Variants in SLX4IP observed in about 807,000 individuals in gnomAD.
The protein encoded by SLX4IP is SLX4 interacting protein.
A neutral mutation model predicts 32.9 loss-of-function variants in SLX4IP; 34 were observed. The ratio of observed to expected loss-of-function variants is 1.03; its 90% confidence interval spans 0.79 to 1.38. The LOEUF (loss-of-function observed/expected upper bound fraction) is 1.38. Among genes scored for constraint, SLX4IP ranks in the 40% most tolerant of loss-of-function variants. SLX4IP has a pLI of 0.00. For synonymous variants in SLX4IP, 172 were observed against 171.7 expected, an observed-to-expected ratio of 1.00 and a Z score of -0.01; for missense variants, 444 against 479.0, an observed-to-expected ratio of 0.93 and a Z score of 0.68.
rs1292586779 is a variant in SLX4IP at position 10,627,581 on chromosome 20, A to T, written c.*4202A>T. The T allele has an allele frequency of 6.6e-6, 1 of 152,238 alleles. No individual in the cohort carries two copies. Among genetic ancestry groups the T allele is most frequent in the East Asian group, 1.9e-4 (1 of 5,206 alleles). The allele number at this position is 152,238 out of a possible 1,614,324, so 9.4% of individuals were successfully genotyped here. On this transcript the variant is annotated 3_prime_UTR_variant, in exon 8 of 8. Transcript: ENST00000334534. ...ACAAATATGTGTCAATGTGCAGCTT[A>T]ACAGAGGGGACTTGAATGGATAAAA...
In SLX4IP at chr20:10,486,184, AT is replaced by A. The variant is rs34444606; in HGVS notation, c.27+27971del. ...AAATAATTATCAACTCCTTGCTTAA[AT>A]TTTTTTTTTTTTTTTTTACTAGGTA... On this transcript the variant is annotated intron_variant, in intron 2 of 7. Transcript: ENST00000334534. Among the ~76,000 whole-genome samples, 339 of 145,034 alleles carry A rather than the reference AT, an allele frequency of 2.3e-3. 1 individual carries two copies. Among genetic ancestry groups the A allele is most frequent in the Non-Finnish European group, 2.9e-3 (193 of 66,550 alleles).
chr20:10,513,306 A>T (rs1358143060), intron 2 of SLX4IP, among the ~76,000 whole-genome samples: 1 of 152,198 alleles, frequency 6.6e-6, no homozygotes, highest in East Asian at 1.9e-4. Context: ...AAATTTGCCT[A>T]GGGTCACAGA....
At chr20:10,547,303 A>G (rs2066172343) in intron 2 of SLX4IP, among the ~76,000 whole-genome samples, 1 of 147,228 alleles carries the variant, frequency 6.8e-6, no homozygotes, top group Non-Finnish European at 1.5e-5. Context: ...ATCTTTGTAG[A>G]ATCCTTCCCC....
chr20:10,540,049 G>A (rs546146952), intron 2 of SLX4IP, among the ~76,000 whole-genome samples: 3 of 151,284 alleles, frequency 2.0e-5, no homozygotes, highest in Non-Finnish European at 4.4e-5. Context: ...AGCAATTTGT[G>A]TTTCTTTTTG....
Position 10,584,733 on chromosome 20 carries a change from G to T in SLX4IP, c.239-13942G>T. On this transcript the variant is annotated intron_variant, in intron 4 of 7. Coordinates refer to ENST00000334534, the MANE Select transcript of SLX4IP (RefSeq NM_001009608.3). ...TGGACTCATGATTGGGAATTGGAAA[G>T]ACCCTAGACTAGTAGATAGATGCTT... Among the ~76,000 whole-genome samples the T allele has an allele frequency of 1.3e-5, 2 of 152,172 alleles. 1 individual carries two copies. Among genetic ancestry groups the T allele is most frequent in the Non-Finnish European group, 2.9e-5 (2 of 68,030 alleles).
At chr20:10,548,532 C>T (rs1338451390) in intron 2 of SLX4IP, among the ~76,000 whole-genome samples, 1 of 152,194 alleles carries the variant, frequency 6.6e-6, no homozygotes, top group African/African-American at 2.4e-5. Context: ...AGCCACCACA[C>T]CCGGCCTCTC....
In SLX4IP at chr20:10,623,445, G is replaced by T; in HGVS notation, c.*66G>T. 1 of 1,522,980 alleles carries T rather than the reference G, an allele frequency of 6.6e-7. No individual in the cohort carries two copies. Among genetic ancestry groups the T allele is most frequent in the Non-Finnish European group, 8.8e-7 (1 of 1,139,098 alleles). The allele number at this position is 1,522,980 out of a possible 1,614,324, so 94.3% of individuals were successfully genotyped here. A position where few individuals can be genotyped will look rare whatever the true frequency, so the allele number is the denominator to read the frequency against. Reference sequence around the variant, plus strand: ...GCCAAACCTGTGACAAGAGAGCTGCGAATATAGATGCCGGGATTTTAAAGG... The same window carrying T: ...GCCAAACCTGTGACAAGAGAGCTGCTAATATAGATGCCGGGATTTTAAAGG... On this transcript the variant is annotated 3_prime_UTR_variant, in exon 8 of 8. Transcript: ENST00000334534.
chr20:10,483,794 C>A, intron 2 of SLX4IP, among the ~76,000 whole-genome samples: 1 of 113,502 alleles, frequency 8.8e-6, no homozygotes, highest in Non-Finnish European at 1.7e-5. Context: ...CTCCCCCCAC[C>A]CTTCTCTTCT....
intron 2 of SLX4IP, among the ~76,000 whole-genome samples, chr20:10,488,007 CA>C: frequency 6.6e-6 from 1 of 152,202 alleles, no homozygotes; most frequent in South Asian, 2.1e-4. Context: ...TAGGACCTAT[CA>C]GCTGTGGTAG....
chr20:10,604,353 C>CT (rs1361771450), intron 6 of SLX4IP, among the ~76,000 whole-genome samples: 2 of 152,162 alleles, frequency 1.3e-5, no homozygotes, highest in Non-Finnish European at 2.9e-5. Context: ...GCCTGGGTGC[C>CT]TTACTCGTGC....
chr20:10,621,253 T>C (rs2067107858), intron 6 of SLX4IP, 61 bp from the exon 7 acceptor site: 1 of 1,434,296 alleles, frequency 7.0e-7, no homozygotes, highest in Non-Finnish European at 9.8e-7. Flanking sequence ...AGAGTGTAAC[T>C]GTTTTCTCTC....
intron 4 of SLX4IP, among the ~76,000 whole-genome samples, chr20:10,568,166 T>G (rs2066417976): frequency 6.6e-6 from 1 of 152,242 alleles, no homozygotes. Flanking sequence ...CTGACATGCC[T>G]GTGTCTTAGC....
chr20:10,518,834 T>C (rs963661217), intron 2 of SLX4IP, among the ~76,000 whole-genome samples: 4 of 152,072 alleles, frequency 2.6e-5, no homozygotes, highest in African/African-American at 9.7e-5. Context: ...CCTCCCAAAG[T>C]GCTGGGATTA....
intron 1 of SLX4IP, among the ~76,000 whole-genome samples, chr20:10,456,274 G>C (rs1374408093): frequency 1.3e-5 from 2 of 152,150 alleles, no homozygotes; most frequent in African/African-American, 4.8e-5. Flanking sequence ...TCTGATAAGG[G>C]ATACTCAGCC....
intron 2 of SLX4IP, among the ~76,000 whole-genome samples, chr20:10,464,790 AG>A (rs1218177051): frequency 6.7e-6 from 1 of 149,158 alleles, no homozygotes; most frequent in African/African-American, 2.4e-5. Flanking sequence ...TTTGTTTTTA[AG>A]GGCTGTGGTT....
intron 2 of SLX4IP, among the ~76,000 whole-genome samples, chr20:10,507,175 T>A (rs1439178623): frequency 2.0e-5 from 3 of 152,186 alleles, no homozygotes; most frequent in Non-Finnish European, 4.4e-5. Flanking sequence ...GTTCTAAGCC[T>A]ATGGGAGGCC....
intron 2 of SLX4IP, among the ~76,000 whole-genome samples, chr20:10,482,332 C>T (rs543261846): frequency 6.6e-6 from 1 of 152,256 alleles, no homozygotes; most frequent in Non-Finnish European, 1.5e-5. Context: ...AAAGCCATGC[C>T]ATTTAATTTA....
chr20:10,538,529 CT>C (rs1293744404), intron 2 of SLX4IP, among the ~76,000 whole-genome samples: 1,716 of 143,668 alleles, frequency 0.012, 21 homozygotes, highest in African/African-American at 0.033. Flanking sequence ...AGCCCTTCAT[CT>C]TTTTTTTTTT....
intron 1 of SLX4IP, among the ~76,000 whole-genome samples, chr20:10,446,878 T>G (rs1248976680): frequency 7.2e-6 from 1 of 139,318 alleles, no homozygotes; most frequent in Non-Finnish European, 1.6e-5. Context: ...AGATATGGAT[T>G]GCAAATATTT....
Sources: allele counts gnomAD v4.1 joint callset (sites outside exome capture counted in the v4.1 genomes callset), GRCh38; gene constraint gnomAD v4.1.1; transcripts MANE v1.5; gene names NCBI Gene and HGNC (gene_info 2026-07-23, HGNC 2026-07-21).